CR1: variants seen among roughly 807,000 people sequenced by gnomAD.
CR1 encodes complement receptor type 1.
A neutral mutation model predicts 187.3 loss-of-function variants in CR1; 116 were observed. That is an observed-to-expected ratio of 0.62 (90% CI 0.53 to 0.72). The LOEUF is 0.72. CR1 is among the 30% of genes least tolerant of loss of function. The pLI is 0.00. For synonymous variants in CR1, 576 were observed against 747.1 expected, an observed-to-expected ratio of 0.77 and a Z score of 3.73; for missense variants, 1,731 against 2,110.7, an observed-to-expected ratio of 0.82 and a Z score of 3.52.
intron 4 of CR1, among the ~76,000 whole-genome samples, chr1:207,522,544 C>G (rs1199252052): frequency 6.6e-6 from 1 of 152,184 alleles, no homozygotes; most frequent in Admixed American, 6.5e-5. Flanking sequence ...GTTGCCAAGC[C>G]CAAATACCCA....
At chr1:207,544,844 G>T (rs1342331311) in intron 13 of CR1, among the ~76,000 whole-genome samples, 1 of 109,714 alleles carries the variant, frequency 9.1e-6, no homozygotes, top group Non-Finnish European at 1.8e-5. Flanking sequence ...GACGCTCTTT[G>T]TTGCACCAGT....
At position 207,584,652 on chromosome 1, in the gene CR1, T is replaced by A. The variant is rs767742956; in HGVS notation, c.5306T>A (p.Ile1769Asn). Reference sequence around the variant, plus strand: ...AGAGCTCTTGTTTTCTTTCTAGATATCTTTTGTCCAAATCCTCCAGCTATC... The same window carrying A: ...AGAGCTCTTGTTTTCTTTCTAGATAACTTTTGTCCAAATCCTCCAGCTATC... ...WNNSVPVCEH[I>N]FCPNPPAILN... The change falls in exon 33 of 47, where the codon ATC (isoleucine) becomes AAC (asparagine). Residue 1769 changes from isoleucine (I) to asparagine (N), a missense_variant. Around this residue, in one of 5 missense-constraint regions of CR1, gnomAD observed 1,312 missense variants for 1,379.6 expected, o/e 0.95. Transcript: ENST00000367049. 1 of 1,613,142 alleles carries A rather than the reference T, an allele frequency of 6.2e-7. No homozygotes were observed. The highest frequency in any genetic ancestry group is 8.5e-7 in the Non-Finnish European group (1 of 1,179,392).
chr1:207,595,614 G>T (rs2102364915), intron 35 of CR1, among the ~76,000 whole-genome samples: 1 of 152,092 alleles, frequency 6.6e-6, no homozygotes, highest in Non-Finnish European at 1.5e-5. Context: ...CCATTCATCT[G>T]CAAGGCACAG....
At chr1:207,597,573 A>G (rs1189767262) in intron 35 of CR1, among the ~76,000 whole-genome samples, 2 of 152,196 alleles carry the variant, frequency 1.3e-5, no homozygotes, top group East Asian at 3.8e-4. Context: ...GGATGGTTAT[A>G]ATATTTTTAA....
intron 35 of CR1, chr1:207,606,592 G>A (rs1227049365): frequency 2.6e-5 from 4 of 152,208 alleles, no homozygotes; most frequent in African/African-American, 4.8e-5. Flanking sequence ...CACATGAATA[G>A]CTTTGCTCAG....
chr1:207,496,491 G>C, intron 1 of CR1, 103 bp downstream of exon 1: 1 of 1,234,490 alleles, frequency 8.1e-7, no homozygotes, highest in South Asian at 1.6e-5. Context: ...CTGCGCGCCC[G>C]GGTCCGAAGG....
At chr1:207,520,640 A>G (rs777739517) in intron 4 of CR1, among the ~76,000 whole-genome samples, 17 of 152,198 alleles carry the variant, frequency 1.1e-4, no homozygotes, top group Non-Finnish European at 1.9e-4. Flanking sequence ...GGTTTTCTCT[A>G]TCATAAAGAT....
intron 45 of CR1, among the ~76,000 whole-genome samples, chr1:207,627,222 T>C (rs1237308473): frequency 6.6e-6 from 1 of 152,108 alleles, no homozygotes; most frequent in East Asian, 1.9e-4. Context: ...GTCTCTCTTA[T>C]CCTGCTTTAT....
At position 207,596,103 on chromosome 1, in the gene CR1, A is replaced by G. The variant is rs529845919; in HGVS notation, c.5810+7329A>G. Among the ~76,000 whole-genome samples the G allele has an allele frequency of 5.1e-3, 758 of 149,754 alleles. 7 individuals carry two copies. Among genetic ancestry groups the G allele is most frequent in the African/African-American group, 0.017 (706 of 41,120 alleles). On this transcript the variant is annotated intron_variant, in intron 35 of 46. Coordinates refer to ENST00000367049, the MANE Select transcript of CR1 (RefSeq NM_000651.6). ...TATATATATATATAATCAAATTTTA[A>G]AAGATAATCAGAAGGGCGAAACCAC...
At chr1:207,592,302 A>G (rs1661294966) in intron 35 of CR1, among the ~76,000 whole-genome samples, 1 of 152,244 alleles carries the variant, frequency 6.6e-6, no homozygotes, top group Non-Finnish European at 1.5e-5. Flanking sequence ...ACGCAAATCA[A>G]TAAACGTAAT....
In CR1 at chr1:207,598,001, G is replaced by A. The variant is rs1571577311; in HGVS notation, c.5810+9227G>A. On this transcript the variant is annotated intron_variant, in intron 35 of 46. Transcript: ENST00000367049. Reference sequence around the variant, plus strand: ...TAAGTGAAATGAGCCAGACACAAAAGGATAAATACTGTATTCCACTTTTAT... The same window carrying A: ...TAAGTGAAATGAGCCAGACACAAAAAGATAAATACTGTATTCCACTTTTAT... Among the ~76,000 whole-genome samples the A allele has an allele frequency of 2.6e-5, 4 of 152,148 alleles. No individual in the cohort carries two copies. The East Asian group carries it at 7.7e-4, about 29-fold the overall frequency.
At chr1:207,574,733 C>T (rs1431667827) in intron 27 of CR1, among the ~76,000 whole-genome samples, 1 of 152,138 alleles carries the variant, frequency 6.6e-6, no homozygotes, top group Non-Finnish European at 1.5e-5. Context: ...TAGAGTTTGA[C>T]TCTAAAATTG....
intron 1 of CR1, among the ~76,000 whole-genome samples, 170 bp from the exon 2 acceptor site, chr1:207,505,734 C>T (rs1200117076): frequency 6.6e-6 from 1 of 151,998 alleles, no homozygotes; most frequent in Admixed American, 6.6e-5. Flanking sequence ...ACTCAGGAAG[C>T]TGAGGTAAGG....
chr1:207,641,502 A>G lies in CR1; in HGVS notation c.*2093A>G, dbSNP rs1346181576. ...TCAGTTATAATGATAAATACTGTAT[A>G]TACTAACTATGAGTAAAATACTATA... is the stretch of plus-strand genomic sequence containing the variant. On this transcript the variant is annotated 3_prime_UTR_variant, in exon 47 of 47. Coordinates refer to ENST00000367049, the MANE Select transcript of CR1 (RefSeq NM_000651.6). 2 of 152,242 alleles carry G rather than the reference A, an allele frequency of 1.3e-5. No individual in the cohort carries two copies. Among genetic ancestry groups the G allele is most frequent in the Non-Finnish European group, 2.9e-5 (2 of 68,042 alleles). 9.4% of individuals were successfully genotyped at this position (152,242 alleles called of 1,614,324 possible). A position where few individuals can be genotyped will look rare whatever the true frequency, so the allele number is the denominator to read the frequency against.
intron 46 of CR1, among the ~76,000 whole-genome samples, chr1:207,638,755 C>T (rs763374465): frequency 2.0e-5 from 3 of 152,256 alleles, no homozygotes; most frequent in Non-Finnish European, 4.4e-5. Flanking sequence ...GAATCAACCA[C>T]ATCAGTACGA....
intron 1 of CR1, among the ~76,000 whole-genome samples, chr1:207,499,806 A>G (rs1449973052): frequency 6.6e-6 from 1 of 152,212 alleles, no homozygotes; most frequent in Non-Finnish European, 1.5e-5. Flanking sequence ...TGGTTTACAT[A>G]TGCTCAGATG....
intron 1 of CR1, among the ~76,000 whole-genome samples, chr1:207,503,536 C>T (rs1484778585): frequency 1.3e-5 from 2 of 152,118 alleles, no homozygotes; most frequent in African/African-American, 4.8e-5. Context: ...GGCTCTTGGC[C>T]TCCTTCCTCT....
rs983538853 is a variant in CR1, at chr1:207,579,089, A to G, written c.4936+886A>G. On this transcript the variant is annotated intron_variant, in intron 29 of 46. Transcript: ENST00000367049. ...ATGAGGTATAGATTAGGTTGATGTT[A>G]AAATGGGTTCTGATGCCCTAAGCAT... Among the ~76,000 whole-genome samples the G allele has an allele frequency of 2.0e-5, 3 of 152,234 alleles. No individual in the cohort carries two copies. The South Asian group carries it at 6.2e-4, about 31-fold the overall frequency.
chr1:207,581,827 C>A, intron 31 of CR1, 91 bp from the exon 32 acceptor site: 2 of 842,192 alleles, frequency 2.4e-6, no homozygotes, highest in Non-Finnish European at 4.0e-6. Flanking sequence ...TGTTAATTAA[C>A]TTAGGAATTC....
Sources: allele counts gnomAD v4.1 joint callset (sites outside exome capture counted in the v4.1 genomes callset), GRCh38; gene constraint gnomAD v4.1.1; regional missense constraint gnomAD v4.1.1; transcripts MANE v1.5; gene names NCBI Gene and HGNC (gene_info 2026-07-23, HGNC 2026-07-21).